Variants in PCDH15 observed in about 807,000 individuals in gnomAD.
PCDH15 encodes the protein protocadherin-15.
In PCDH15, 129 loss-of-function variants were observed where a neutral mutation model predicts 178.5. The ratio of observed to expected loss-of-function variants is 0.72; its 90% confidence interval spans 0.63 to 0.84. The LOEUF is 0.84. Among genes scored for constraint, PCDH15 ranks in the 40% least tolerant of loss-of-function variants. The pLI is 0.00. For synonymous variants in PCDH15, 800 were observed against 732.0 expected, an observed-to-expected ratio of 1.09 and a Z score of -1.50; for missense variants, 2,230 against 2,099.9, an observed-to-expected ratio of 1.06 and a Z score of -1.21.
intron 2 of PCDH15, among the ~76,000 whole-genome samples, chr10:55,384,435 A>G (rs1837606293): frequency 6.6e-6 from 1 of 152,202 alleles, no homozygotes; most frequent in South Asian, 2.1e-4. Context: ...AAAAACACTA[A>G]TAATGATGTT....
At chr10:53,943,741 C>T (rs1357974067) in intron 23 of PCDH15, among the ~76,000 whole-genome samples, 1 of 152,086 alleles carries the variant, frequency 6.6e-6, no homozygotes, top group Non-Finnish European at 1.5e-5. Flanking sequence ...TCCTCATTAA[C>T]CTTTGTCTTA....
chr10:54,274,167 A>AC (rs1392277458), intron 8 of PCDH15, among the ~76,000 whole-genome samples: 4 of 148,436 alleles, frequency 2.7e-5, no homozygotes, highest in Admixed American at 1.3e-4. Flanking sequence ...GGGAGAAGAC[A>AC]AAAAAAATAA....
At chr10:55,436,499 TTTTG>T in intron 2 of PCDH15, among the ~76,000 whole-genome samples, 1 of 152,232 alleles carries the variant, frequency 6.6e-6, no homozygotes, top group Non-Finnish European at 1.5e-5. Context: ...TTGGCTTTTG[TTTTG>T]TTTAATTTTG....
chr10:55,147,819 TCTC>T lies in PCDH15; in HGVS notation c.-80+18754_-80+18756del, dbSNP rs1275851486. ...TCTTTCTTCTTATGTTCCTCCTCCTTCTCCTCTTCCTCCTTTTTCTCCTCTTCC... is the reference window on the plus strand; with the variant it reads ...TCTTTCTTCTTATGTTCCTCCTCCTTCTCTTCCTCCTTTTTCTCCTCTTCC... On this transcript the variant is annotated intron_variant, in intron 2 of 5. Transcript: ENST00000458638. Among the ~76,000 whole-genome samples the T allele has an allele frequency of 1.2e-4, 7 of 60,514 alleles. No homozygotes were observed. In the South Asian group the frequency reaches 2.7e-3, roughly 23 times the overall value. The allele number at this position is 60,514 out of a possible 152,430, so 39.7% of individuals were successfully genotyped here.
intron 25 of PCDH15, among the ~76,000 whole-genome samples, chr10:53,935,456 G>C (rs1380210572): frequency 6.6e-6 from 1 of 152,126 alleles, no homozygotes; most frequent in Admixed American, 6.6e-5. Context: ...CAAAAAAAAA[G>C]TGTACCATGT....
chr10:54,655,284 GAGAGAGAGAGAGAGAGAGAC>G (rs1565866039), intron 2 of PCDH15, among the ~76,000 whole-genome samples: 64 of 126,722 alleles, frequency 5.1e-4, no homozygotes, highest in Admixed American at 8.9e-4. Flanking sequence ...GAGAGAGAGA[GAGAGAGAGAGAGAGAGAGAC>G]AGAGAGAGAG....
intron 13 of PCDH15, among the ~76,000 whole-genome samples, chr10:54,180,139 C>T (rs1397726160): frequency 5.3e-5 from 8 of 152,078 alleles, no homozygotes; most frequent in Middle Eastern, 3.2e-3. Flanking sequence ...ACTTCAGCTC[C>T]GGTTACGGAA....
intron 6 of PCDH15, among the ~76,000 whole-genome samples, chr10:54,344,041 T>C (rs1479517903): frequency 6.6e-6 from 1 of 152,088 alleles, no homozygotes. Flanking sequence ...GAACATAAAA[T>C]TTATCATGTA....
intron 14 of PCDH15, among the ~76,000 whole-genome samples, chr10:54,134,030 GA>G (rs996543455): frequency 7.4e-6 from 1 of 134,430 alleles, no homozygotes; most frequent in African/African-American, 2.6e-5. Context: ...TTGGGGATGA[GA>G]ATCTTTATTT....
intron 2 of PCDH15, among the ~76,000 whole-genome samples, chr10:54,939,387 C>T (rs959454463): frequency 2.1e-5 from 3 of 145,388 alleles, no homozygotes; most frequent in Non-Finnish European, 4.5e-5. Context: ...CCCAGCTACT[C>T]GGGAGGCTGA....
intron 2 of PCDH15, among the ~76,000 whole-genome samples, chr10:54,620,235 A>AACCC (rs1385070881): frequency 2.2e-4 from 34 of 152,112 alleles, no homozygotes; most frequent in African/African-American, 7.9e-4. Flanking sequence ...TCAGGAAAAT[A>AACCC]ATACTGTGAA....
At chr10:54,623,095 C>T (rs2093438689) in intron 2 of PCDH15, among the ~76,000 whole-genome samples, 1 of 151,982 alleles carries the variant, frequency 6.6e-6, no homozygotes, top group South Asian at 2.1e-4. Flanking sequence ...ATTGATTTTA[C>T]TTTCCCTGCC....
chr10:54,153,705 G>T (rs994190635), intron 13 of PCDH15, among the ~76,000 whole-genome samples: 2 of 151,964 alleles, frequency 1.3e-5, no homozygotes, highest in Non-Finnish European at 2.9e-5. Context: ...AATGAAATAG[G>T]CATAGTCGGC....
intron 15 of PCDH15, among the ~76,000 whole-genome samples, chr10:54,096,482 T>C (rs541018361): frequency 1.3e-4 from 20 of 152,244 alleles, no homozygotes; most frequent in African/African-American, 3.4e-4. Flanking sequence ...ATTGCTGTCA[T>C]TGTCAACTTA....
At chr10:53,939,982 G>A (rs969714024) in intron 24 of PCDH15, among the ~76,000 whole-genome samples, 22 of 152,034 alleles carry the variant, frequency 1.4e-4, no homozygotes, top group Admixed American at 3.9e-4. Flanking sequence ...TAGAAAGAAA[G>A]GCAATAAAAG....
At chr10:54,337,879 C>A (rs929189127) in intron 6 of PCDH15, among the ~76,000 whole-genome samples, 4 of 152,160 alleles carry the variant, frequency 2.6e-5, no homozygotes, top group Non-Finnish European at 4.4e-5. Context: ...AAAACCCTAA[C>A]CCTCTCTTTG....
intron 2 of PCDH15, among the ~76,000 whole-genome samples, chr10:55,019,763 A>C (rs1250141154): frequency 6.6e-6 from 1 of 152,134 alleles, no homozygotes; most frequent in Non-Finnish European, 1.5e-5. Context: ...ACTTCTTCTC[A>C]CTTCTGTAAA....
At chr10:55,396,385 C>T (rs1031284189) in intron 2 of PCDH15, among the ~76,000 whole-genome samples, 1 of 152,272 alleles carries the variant, frequency 6.6e-6, no homozygotes, top group African/African-American at 2.4e-5. Flanking sequence ...TCAATATTCA[C>T]ACCATCCAGA....
chr10:54,412,758 T>C (rs1025817710), intron 3 of PCDH15, among the ~76,000 whole-genome samples: 1 of 152,224 alleles, frequency 6.6e-6, no homozygotes, highest in African/African-American at 2.4e-5. Context: ...AGTCTCGCTC[T>C]GTAGCCAGGG....
Sources: gnomAD v4.1 joint callset for allele counts (sites outside exome capture counted in the v4.1 genomes callset) on GRCh38, gnomAD v4.1.1 for gene constraint, MANE v1.5 for transcripts, NCBI Gene and HGNC (gene_info 2026-07-23, HGNC 2026-07-21) for gene names.